MAML2: variants seen among roughly 807,000 people sequenced by gnomAD.
MAML2 encodes the protein mastermind like transcriptional coactivator 2, also known as mastermind-like protein 2.
A neutral mutation model predicts 96.1 loss-of-function variants in MAML2; 22 were observed. That is an observed-to-expected ratio of 0.23 (90% CI 0.16 to 0.33). The LOEUF (loss-of-function observed/expected upper bound fraction) is 0.33, where lower values mean the gene tolerates loss of function less well. Among genes scored for constraint, MAML2 ranks in the 10% least tolerant of loss-of-function variants. MAML2 has a pLI of 1.00. For missense variants in MAML2, 1,367 were observed against 1,392.4 expected, an observed-to-expected ratio of 0.98 and a Z score of 0.29; for synonymous variants, 561 against 521.3, an observed-to-expected ratio of 1.08 and a Z score of -1.04.
chr11:96,041,192 A>G (rs1323503829), intron 2 of MAML2, among the ~76,000 whole-genome samples: 1 of 151,982 alleles, frequency 6.6e-6, no homozygotes, highest in African/African-American at 2.4e-5. Context: ...AGGGCTCATT[A>G]AACAGGTGAT....
chr11:96,237,508 A>T (rs1289602971), intron 1 of MAML2, among the ~76,000 whole-genome samples: 1 of 152,230 alleles, frequency 6.6e-6, no homozygotes, highest in African/African-American at 2.4e-5. Flanking sequence ...AACTCCAATT[A>T]AATTGTCACC....
At chr11:96,313,753 G>A (rs1863586538) in intron 1 of MAML2, among the ~76,000 whole-genome samples, 1 of 152,164 alleles carries the variant, frequency 6.6e-6, no homozygotes, top group Non-Finnish European at 1.5e-5. Flanking sequence ...AAGTGATCTA[G>A]TGTTTTGGGA....
intron 3 of MAML2, among the ~76,000 whole-genome samples, chr11:95,988,431 T>C (rs965153176): frequency 1.3e-5 from 2 of 150,960 alleles, no homozygotes; most frequent in African/African-American, 4.9e-5. Flanking sequence ...GCTAATTTTG[T>C]ATTTTTTTAG....
intron 1 of MAML2, among the ~76,000 whole-genome samples, chr11:96,114,811 G>A (rs549746259): frequency 6.6e-6 from 1 of 152,312 alleles, no homozygotes; most frequent in Admixed American, 6.5e-5. Context: ...CCATGGCAAG[G>A]ATTAAGTATA....
rs116448633 is a variant in MAML2 at position 96,189,580 on chromosome 11, A to G, written c.514-96063T>C. On this transcript the variant is annotated intron_variant, in intron 1 of 4. Transcript: ENST00000524717. The stretch of plus-strand genomic sequence containing the variant: ...GCACTACTAGTTAATTTGCAACAGC[A>G]AATCTGTTTTTCTTCTGACAGATTT... Among the ~76,000 whole-genome samples the G allele has an allele frequency of 5.2e-3, 788 of 152,370 alleles. 10 individuals are homozygous for G. The highest frequency in any genetic ancestry group is 0.017 in the African/African-American group (717 of 41,586).
intron 1 of MAML2, among the ~76,000 whole-genome samples, chr11:96,120,603 C>T (rs573920199): frequency 1.3e-5 from 2 of 152,178 alleles, no homozygotes; most frequent in Non-Finnish European, 2.9e-5. Flanking sequence ...ATAATTATAT[C>T]ATTAAGTCTT....
At chr11:96,251,245 T>C (rs1261475116) in intron 1 of MAML2, among the ~76,000 whole-genome samples, 1 of 152,238 alleles carries the variant, frequency 6.6e-6, no homozygotes, top group Non-Finnish European at 1.5e-5. Context: ...ATGAGGCCTC[T>C]CATCCCTAGA....
intron 1 of MAML2, among the ~76,000 whole-genome samples, chr11:96,202,220 G>T (rs533788983): frequency 4.0e-5 from 6 of 149,806 alleles, no homozygotes; most frequent in Non-Finnish European, 8.9e-5. Flanking sequence ...GGGTGGTGGC[G>T]GGCGCCTGTA....
chr11:96,193,812 T>C (rs887095830), intron 1 of MAML2, among the ~76,000 whole-genome samples: 1 of 152,376 alleles, frequency 6.6e-6, no homozygotes, highest in African/African-American at 2.4e-5. Flanking sequence ...TATTTTTAAA[T>C]GTCTGTGTAT....
intron 1 of MAML2, among the ~76,000 whole-genome samples, chr11:96,224,702 C>T (rs981261648): frequency 6.6e-6 from 1 of 152,186 alleles, no homozygotes; most frequent in African/African-American, 2.4e-5. Context: ...GTCACCTCTG[C>T]ATAAGTGTAT....
At chr11:96,173,001 T>C (rs1892962) in intron 1 of MAML2, among the ~76,000 whole-genome samples, 14,376 of 152,286 alleles carry the variant, frequency 0.094, 756 homozygotes, top group African/African-American at 0.11. Context: ...GATAAGATTC[T>C]ACTTCCTTCC....
intron 1 of MAML2, among the ~76,000 whole-genome samples, chr11:96,095,970 C>T (rs777317196): frequency 3.9e-5 from 6 of 152,128 alleles, no homozygotes; most frequent in Non-Finnish European, 8.8e-5. Context: ...GGTCAGCTAT[C>T]ACCACATCCA....
chr11:96,073,321 CTTTTTTT>C (rs57220287), intron 2 of MAML2, among the ~76,000 whole-genome samples: 1 of 108,322 alleles, frequency 9.2e-6, no homozygotes, highest in Non-Finnish European at 2.0e-5. Context: ...CTTTTCTTTT[CTTTTTTT>C]TTTTTTTTTT....
rs1225131710 is a variant in MAML2 at position 96,092,699 on chromosome 11, C to T, written c.1332G>A (p.Gln444=). The part of the protein sequence containing the change: ...QQLKQIAANR[Q]QHARMQQHQQ... ...GGTGCTGCTGCATCCGGGCATGCTGCTGACGATTAGCAGCTATCTGTTTGA... is the reference window on the plus strand; with the variant it reads ...GGTGCTGCTGCATCCGGGCATGCTGTTGACGATTAGCAGCTATCTGTTTGA... Residue 444 remains glutamine (Q), a synonymous_variant, in exon 2 of 5, where the codon CAG becomes CAA. Coordinates refer to ENST00000524717, the MANE Select transcript of MAML2 (RefSeq NM_032427.4). The surrounding 1 kb of genome is among the most constrained non-coding windows in gnomAD (Gnocchi z 4.1). 1.2e-6 allele frequency: 2 copies of T among 1,613,894 alleles called. No homozygotes were observed. Among genetic ancestry groups the T allele is most frequent in the Non-Finnish European group, 1.7e-6 (2 of 1,179,918 alleles).
At chr11:96,299,732 C>A (rs1414895056) in intron 1 of MAML2, among the ~76,000 whole-genome samples, 1 of 152,168 alleles carries the variant, frequency 6.6e-6, no homozygotes, top group African/African-American at 2.4e-5. Flanking sequence ...CAGCCCTTGC[C>A]CACAGAAGTG....
chr11:96,157,756 G>C (rs1235585927), intron 1 of MAML2, among the ~76,000 whole-genome samples: 1 of 152,156 alleles, frequency 6.6e-6, no homozygotes, highest in East Asian at 1.9e-4. Flanking sequence ...TATAGATAAA[G>C]CTTGTACATG....
intron 2 of MAML2, among the ~76,000 whole-genome samples, chr11:96,072,486 G>T (rs1176475333): frequency 2.0e-5 from 3 of 152,146 alleles, no homozygotes; most frequent in Admixed American, 1.3e-4. Context: ...AGGGAATAAT[G>T]ATTTTACTAG....
chr11:96,105,255 T>C (rs1208346231), intron 1 of MAML2, among the ~76,000 whole-genome samples: 2 of 152,350 alleles, frequency 1.3e-5, no homozygotes, highest in Admixed American at 6.5e-5. Context: ...TGCCGTTCCA[T>C]GACAGCAGAA....
intron 2 of MAML2, among the ~76,000 whole-genome samples, chr11:95,994,872 T>C (rs1163558923): frequency 3.3e-5 from 5 of 152,242 alleles, no homozygotes; most frequent in African/African-American, 1.2e-4. Flanking sequence ...GACAAGACCA[T>C]AAGCTCCGGA....
Sources: gnomAD v4.1 joint callset for allele counts (sites outside exome capture counted in the v4.1 genomes callset) on GRCh38, gnomAD v4.1.1 for gene constraint, Gnocchi (gnomAD v3.1) non-coding constraint, MANE v1.5 for transcripts, NCBI Gene and HGNC (gene_info 2026-07-23, HGNC 2026-07-21) for gene names.